Variants in ITGA1 observed in about 807,000 individuals in gnomAD.
ITGA1 encodes the protein integrin alpha-1.
In ITGA1, 85 loss-of-function variants were observed where a neutral mutation model predicts 145.9. The ratio of observed to expected loss-of-function variants is 0.58; its 90% CI spans 0.49 to 0.70. The LOEUF (loss-of-function observed/expected upper bound fraction) is 0.70, where lower values mean the gene tolerates loss of function less well. Among genes scored for constraint, ITGA1 ranks in the 30% least tolerant of loss-of-function variants. ITGA1 has a pLI of 0.00. For synonymous variants in ITGA1, 520 were observed against 495.3 expected (o/e 1.05, Z -0.66); for missense variants, 1,351 against 1,418.7 (o/e 0.95, Z 0.77).
chr5:52,864,925 T>C (rs373530364), intron 4 of ITGA1, 46 bp from the exon 5 acceptor site: 5 of 1,562,638 alleles, frequency 3.2e-6, no homozygotes, highest in Non-Finnish European at 4.4e-6. Context: ...ATCTGTTATA[T>C]AATTTTCAGT....
At chr5:52,925,126 T>C (rs1279337113) in intron 18 of ITGA1, 152 bp from the exon 19 acceptor site, 2 of 622,222 alleles carry the variant, frequency 3.2e-6, no homozygotes, top group Non-Finnish European at 5.7e-6. Flanking sequence ...CAGGGATAAA[T>C]ATAAAATCCC....
chr5:52,916,743 G>A (rs1561248736), intron 15 of ITGA1, among the ~76,000 whole-genome samples: 1 of 152,206 alleles, frequency 6.6e-6, no homozygotes, highest in Non-Finnish European at 1.5e-5. Context: ...GAAGTCAGCA[G>A]TGTCAGGGAC....
chr5:52,923,376 G>A (rs113414044), intron 18 of ITGA1, among the ~76,000 whole-genome samples: 1 of 151,928 alleles, frequency 6.6e-6, no homozygotes, highest in African/African-American at 2.4e-5. Context: ...GAAGCTCCCA[G>A]GCCGTCTATA....
chr5:52,952,204 G>GAA (rs11420959), intron 28 of ITGA1, among the ~76,000 whole-genome samples: 4 of 147,754 alleles, frequency 2.7e-5, no homozygotes, highest in South Asian at 2.1e-4. Context: ...AAAAAGAAAA[G>GAA]AAAAAAAAAG....
intron 16 of ITGA1, 123 bp downstream of exon 16, chr5:52,919,021 A>G (rs1206105769): frequency 8.5e-6 from 7 of 826,218 alleles, no homozygotes; most frequent in Non-Finnish European, 1.3e-5. Context: ...TATTTGCCCC[A>G]GTGAAGATGC....
At chr5:52,832,762 AATC>A (rs1447870503) in intron 1 of ITGA1, among the ~76,000 whole-genome samples, 1 of 55,548 alleles carries the variant, frequency 1.8e-5, no homozygotes, top group African/African-American at 7.1e-5. Flanking sequence ...GAAATATATA[AATC>A]TGTGTGTGTG....
At position 52,952,501 on chromosome 5, in the gene ITGA1, G is replaced by A; in HGVS notation, c.*50G>A. On this transcript the variant is annotated 3_prime_UTR_variant, in exon 29 of 29. Coordinates refer to ENST00000282588, the MANE Select transcript of ITGA1 (RefSeq NM_181501.2). ...ACAATTATTCAATAATCTATCCTCA[G>A]GTTTGCCTCAAATATGTGACAAGAA... 1.2e-6 allele frequency: 1 copy of A among 867,342 alleles called. No homozygotes were observed. The highest frequency in any genetic ancestry group is 1.8e-6 in the Non-Finnish European group (1 of 569,898). 53.7% of individuals were successfully genotyped at this position (867,342 alleles called of 1,614,324 possible).
At chr5:52,940,100 A>G (rs1245842089) in intron 26 of ITGA1, among the ~76,000 whole-genome samples, 156 bp downstream of exon 26, 1 of 152,182 alleles carries the variant, frequency 6.6e-6, no homozygotes, top group South Asian at 2.1e-4. Flanking sequence ...TTAACCAGCT[A>G]TGTGTGTCTC....
At chr5:52,917,998 G>A (rs968239838) in intron 15 of ITGA1, among the ~76,000 whole-genome samples, 3 of 152,038 alleles carry the variant, frequency 2.0e-5, no homozygotes, top group Admixed American at 6.6e-5. Flanking sequence ...TAATTGTTCC[G>A]GCTTGGATCT....
At chr5:52,856,447 G>T (rs1282937134) in intron 2 of ITGA1, among the ~76,000 whole-genome samples, 1 of 152,090 alleles carries the variant, frequency 6.6e-6, no homozygotes, top group African/African-American at 2.4e-5. Context: ...TGGAATCTTA[G>T]AACTGGAAAG....
At chr5:52,834,274 T>C (rs985284221) in intron 1 of ITGA1, among the ~76,000 whole-genome samples, 4 of 152,178 alleles carry the variant, frequency 2.6e-5, no homozygotes, top group Non-Finnish European at 5.9e-5. Context: ...GTGGCTAATA[T>C]AACAGAAATG....
In ITGA1 at chr5:52,815,499, G is replaced by C. The variant is rs114239413; in HGVS notation, c.61+27085G>C. Reference sequence around the variant, plus strand: ...TACTCCCCTGGTCATGACTGGCTTGGGCAGGAGAGATCTTTGCCTGGGTAG... The same window carrying C: ...TACTCCCCTGGTCATGACTGGCTTGCGCAGGAGAGATCTTTGCCTGGGTAG... On this transcript the variant is annotated intron_variant, in intron 1 of 28. Transcript: ENST00000282588. Among the ~76,000 whole-genome samples, 1,058 of 152,274 alleles carry C rather than the reference G, an allele frequency of 6.9e-3. 13 individuals are homozygous for C. Among genetic ancestry groups the C allele is most frequent in the African/African-American group, 0.024 (1,009 of 41,548 alleles).
chr5:52,866,177 G>T (rs1458578824), intron 6 of ITGA1, among the ~76,000 whole-genome samples: 1 of 151,960 alleles, frequency 6.6e-6, no homozygotes, highest in Non-Finnish European at 1.5e-5. Context: ...ATCACACCTG[G>T]CTAATTTTTT....
chr5:52,843,104 T>C (rs1314722697), intron 1 of ITGA1, among the ~76,000 whole-genome samples: 1 of 152,176 alleles, frequency 6.6e-6, no homozygotes, highest in African/African-American at 2.4e-5. Flanking sequence ...GAATAAATAA[T>C]ATAGATGAAA....
At chr5:52,910,059 G>A (rs1750478899) in intron 13 of ITGA1, 103 bp from the exon 14 acceptor site, 1 of 1,126,928 alleles carries the variant, frequency 8.9e-7, no homozygotes, top group Non-Finnish European at 1.3e-6. Flanking sequence ...TACCACTAAT[G>A]TACAAATGGC....
chr5:52,920,525 G>A, intron 17 of ITGA1, 57 bp downstream of exon 17: 1 of 1,319,452 alleles, frequency 7.6e-7, no homozygotes, highest in East Asian at 2.7e-5. Context: ...CAGTAGAGAT[G>A]TCTTATTTCA....
chr5:52,865,104 C>CA, intron 5 of ITGA1, 22 bp downstream of exon 5: 2 of 1,519,100 alleles, frequency 1.3e-6, no homozygotes, highest in Non-Finnish European at 1.8e-6. Flanking sequence ...ATGCAATGTT[C>CA]TTGCATGTTT....
intron 22 of ITGA1, chr5:52,933,291 A>G (rs1171532261): frequency 6.6e-6 from 1 of 151,918 alleles, no homozygotes; most frequent in Non-Finnish European, 1.5e-5. Flanking sequence ...ACTTTTCTGT[A>G]TTTTTCTGTA....
rs376958725 is a variant in ITGA1 at position 52,930,728 on chromosome 5, T to C, written c.2771+1027T>C. Reference sequence around the variant, plus strand: ...CAGGTGGAGCATTTCAGGCAAAATATATAGCTTGATTAAAAAGGTTATCAA... The same window carrying C: ...CAGGTGGAGCATTTCAGGCAAAATACATAGCTTGATTAAAAAGGTTATCAA... On this transcript the variant is annotated intron_variant, in intron 21 of 28. Coordinates refer to ENST00000282588, the MANE Select transcript of ITGA1 (RefSeq NM_181501.2). 1.7e-3 allele frequency among the ~76,000 whole-genome samples: 253 copies of C among 152,244 alleles called. 1 individual carries two copies. The highest frequency in any genetic ancestry group is 2.9e-3 in the Non-Finnish European group (195 of 68,004).
Sources: gnomAD v4.1 joint callset for allele counts (sites outside exome capture counted in the v4.1 genomes callset) on GRCh38, gnomAD v4.1.1 for gene constraint, MANE v1.5 for transcripts, NCBI Gene and HGNC (gene_info 2026-07-23, HGNC 2026-07-21) for gene names.